The following SUSD6 variants were observed in gnomAD, a reference collection of about 807,000 sequenced individuals.
The protein encoded by SUSD6 is sushi domain containing 6.
In SUSD6, 16 loss-of-function variants were observed where a neutral mutation model predicts 28.4. That is an observed-to-expected ratio of 0.56 (90% confidence interval 0.38 to 0.86). SUSD6 has a LOEUF of 0.86. Among genes scored for constraint, SUSD6 ranks in the 40% least tolerant of loss-of-function variants. The pLI, the probability that SUSD6 is intolerant of heterozygous loss-of-function variation, is 0.00. For synonymous variants in SUSD6, 147 were observed against 159.6 expected, an observed-to-expected ratio of 0.92 and a Z score of 0.59; for missense variants, 341 against 384.2, an observed-to-expected ratio of 0.89 and a Z score of 0.94.
rs1886169860 is a variant in SUSD6, at chr14:69,692,706, T to TA, written c.122-10688dup. 2.6e-5 allele frequency among the ~76,000 whole-genome samples: 4 copies of TA among 152,324 alleles called. No individual in the cohort carries two copies. The South Asian group carries it at 8.3e-4, about 32-fold the overall frequency. Reference sequence around the variant, plus strand: ...TGGGACTGTACTTGGCATTAGGAGTTACCATTAGCTGGTAGGATTGGAAAT... The same window carrying TA: ...TGGGACTGTACTTGGCATTAGGAGTTAACCATTAGCTGGTAGGATTGGAAAT... On this transcript the variant is annotated intron_variant, in intron 2 of 5. Coordinates refer to ENST00000342745, the MANE Select transcript of SUSD6 (RefSeq NM_014734.4).
At chr14:69,648,469 T>C (rs1166199794) in intron 1 of SUSD6, among the ~76,000 whole-genome samples, 1 of 152,330 alleles carries the variant, frequency 6.6e-6, no homozygotes, top group African/African-American at 2.4e-5. Flanking sequence ...TTTCTCACTA[T>C]CCTTTTAATT....
intron 1 of SUSD6, among the ~76,000 whole-genome samples, chr14:69,655,531 T>TC (rs1264604004): frequency 1.3e-5 from 2 of 152,164 alleles, no homozygotes; most frequent in Non-Finnish European, 2.9e-5. Flanking sequence ...GCAGAGTGGC[T>TC]CATCCCTCTA....
rs189347768 is a variant in SUSD6 at position 69,660,044 on chromosome 14, A to G, written c.121+1331A>G. ...GTGTTCCTACTGGACTTTGTTAGAA[A>G]CACATACATGGCAGTTTCCTTGTCC... is the stretch of plus-strand genomic sequence containing the variant. On this transcript the variant is annotated intron_variant, in intron 2 of 5. Coordinates refer to ENST00000342745, the MANE Select transcript of SUSD6 (RefSeq NM_014734.4). 3.5e-4 allele frequency among the ~76,000 whole-genome samples: 54 copies of G among 152,314 alleles called. 2 individuals are homozygous for G. The East Asian group carries it at 0.01, about 29-fold the overall frequency.
intron 1 of SUSD6, among the ~76,000 whole-genome samples, chr14:69,628,755 CTG>C (rs1885152387): frequency 7.2e-6 from 1 of 139,672 alleles, no homozygotes; most frequent in African/African-American, 2.7e-5. Flanking sequence ...GGGTATCACT[CTG>C]TTGTCCAGGC....
chr14:69,631,896 T>G (rs1885200306), intron 1 of SUSD6, among the ~76,000 whole-genome samples: 1 of 152,182 alleles, frequency 6.6e-6, no homozygotes, highest in South Asian at 2.1e-4. Flanking sequence ...GCATGACTGT[T>G]CTAGGGTGGT....
At chr14:69,641,818 T>C (rs1467442043) in intron 1 of SUSD6, among the ~76,000 whole-genome samples, 1 of 152,022 alleles carries the variant, frequency 6.6e-6, no homozygotes, top group Non-Finnish European at 1.5e-5. Flanking sequence ...TTGCCCAGGC[T>C]GGTCTCGAAC....
intron 1 of SUSD6, among the ~76,000 whole-genome samples, chr14:69,647,066 T>C (rs1385825670): frequency 6.6e-6 from 1 of 152,168 alleles, no homozygotes; most frequent in African/African-American, 2.4e-5. Flanking sequence ...TTCTATAGCA[T>C]TTGGCACATC....
chr14:69,700,766 G>A lies in SUSD6; in HGVS notation c.122-2629G>A, dbSNP rs190653671. 6.2e-4 allele frequency among the ~76,000 whole-genome samples: 95 copies of A among 152,274 alleles called. 1 individual carries two copies. Among genetic ancestry groups the A allele is most frequent in the Admixed American group, 6.5e-4 (10 of 15,294 alleles). On this transcript the variant is annotated intron_variant, in intron 2 of 5. Coordinates refer to ENST00000342745, the MANE Select transcript of SUSD6 (RefSeq NM_014734.4). ...ATGTGTTAGAATAAATTTGTATATA[G>A]AGTATCTTTGGAAGAATATGGTAGA... is the stretch of plus-strand genomic sequence containing the variant.
chr14:69,625,144 T>C (rs1274904184), intron 1 of SUSD6, among the ~76,000 whole-genome samples: 1 of 152,226 alleles, frequency 6.6e-6, no homozygotes, highest in East Asian at 1.9e-4. Flanking sequence ...TGGCTTCAGG[T>C]AGGTCTCTTA....
chr14:69,690,616 G>A (rs1172839173), intron 2 of SUSD6, among the ~76,000 whole-genome samples: 1 of 152,216 alleles, frequency 6.6e-6, no homozygotes, highest in Admixed American at 6.5e-5. Context: ...TCCAGAATCA[G>A]TTGGTGAAAG....
At chr14:69,710,890 G>T in intron 5 of SUSD6, 64 bp from the exon 6 acceptor site, 1 of 1,516,924 alleles carries the variant, frequency 6.6e-7, no homozygotes, top group East Asian at 2.3e-5. Context: ...TTGCAGTGGG[G>T]TCGAGAGTGC....
chr14:69,698,805 A>G (rs977706026), intron 2 of SUSD6, among the ~76,000 whole-genome samples: 5 of 152,232 alleles, frequency 3.3e-5, no homozygotes, highest in Admixed American at 6.5e-5. Context: ...CTGAAAGCCT[A>G]TGTGGCTGTG....
intron 2 of SUSD6, among the ~76,000 whole-genome samples, chr14:69,672,617 C>T (rs189421733): frequency 6.6e-6 from 1 of 152,366 alleles, no homozygotes; most frequent in Admixed American, 6.5e-5. Context: ...GGAACACACT[C>T]TCCCCTCTGA....
chr14:69,621,779 T>C (rs1885044889), intron 1 of SUSD6, among the ~76,000 whole-genome samples: 1 of 152,230 alleles, frequency 6.6e-6, no homozygotes, highest in Non-Finnish European at 1.5e-5. Context: ...GTTCTACTGC[T>C]TCTGGAATTA....
At chr14:69,687,175 A>T (rs1886085635) in intron 2 of SUSD6, among the ~76,000 whole-genome samples, 1 of 152,080 alleles carries the variant, frequency 6.6e-6, no homozygotes, top group Non-Finnish European at 1.5e-5. Context: ...GGGTTTTACC[A>T]TATTGGTCAG....
intron 2 of SUSD6, among the ~76,000 whole-genome samples, chr14:69,669,546 C>G (rs1344987700): frequency 6.6e-6 from 1 of 152,190 alleles, no homozygotes; most frequent in Non-Finnish European, 1.5e-5. Flanking sequence ...CACTTTCTTG[C>G]CTACTGCCTT....
At chr14:69,653,746 A>ATTTTTTTT (rs1885537738) in intron 1 of SUSD6, among the ~76,000 whole-genome samples, 1 of 28,900 alleles carries the variant, frequency 3.5e-5, no homozygotes, top group African/African-American at 8.6e-5. Context: ...ACCTAGTGAA[A>ATTTTTTTT]CTTTTTTTTT....
At chr14:69,630,867 C>T (rs1174526193) in intron 1 of SUSD6, among the ~76,000 whole-genome samples, 1 of 152,198 alleles carries the variant, frequency 6.6e-6, no homozygotes, top group Non-Finnish European at 1.5e-5. Context: ...GTCAAGCGTA[C>T]ATGCTGATCA....
At chr14:69,705,800 C>CA (rs1886379578) in intron 4 of SUSD6, among the ~76,000 whole-genome samples, 1 of 152,222 alleles carries the variant, frequency 6.6e-6, no homozygotes, top group Admixed American at 6.5e-5. Flanking sequence ...GCTTTAGCCA[C>CA]AAGTTGTCTA....
Sources: gnomAD v4.1 joint callset for allele counts (sites outside exome capture counted in the v4.1 genomes callset) on GRCh38, gnomAD v4.1.1 for gene constraint, MANE v1.5 for transcripts, NCBI Gene and HGNC (gene_info 2026-07-23, HGNC 2026-07-21) for gene names.